The following SCAPER variants were observed in gnomAD, a reference collection of about 807,000 sequenced individuals.
The protein encoded by SCAPER is S phase cyclin A-associated protein in the endoplasmic reticulum.
SCAPER carries 98 observed loss-of-function variants against 182.2 expected under a neutral mutation model. That is an observed-to-expected ratio of 0.54 (90% confidence interval 0.46 to 0.64). The LOEUF is 0.64. Among genes scored for constraint, SCAPER ranks in the 30% least tolerant of loss-of-function variants. The probability of loss-of-function intolerance (pLI) is 0.00; values close to 1 mark genes in which losing one functional copy is unlikely to be tolerated. For synonymous variants in SCAPER, 605 were observed against 564.6 expected (o/e 1.07, Z -1.01); for missense variants, 1,432 against 1,690.0 (o/e 0.85, Z 2.68).
At chr15:76,657,348 G>C (rs1338792089) in intron 21 of SCAPER, among the ~76,000 whole-genome samples, 1 of 151,864 alleles carries the variant, frequency 6.6e-6, no homozygotes, top group Non-Finnish European at 1.5e-5. Flanking sequence ...GATTGAATGA[G>C]GAAGAAATTG....
intron 24 of SCAPER, among the ~76,000 whole-genome samples, chr15:76,478,218 ATTG>A (rs66701685): frequency 0.13 from 20,161 of 151,692 alleles, 1,800 homozygotes; most frequent in Admixed American, 0.21. Context: ...CTTTTTGTTA[ATTG>A]TTCTAGTTTG....
intron 23 of SCAPER, among the ~76,000 whole-genome samples, chr15:76,525,702 T>C (rs951034031): frequency 2.0e-5 from 3 of 152,244 alleles, no homozygotes; most frequent in Non-Finnish European, 4.4e-5. Flanking sequence ...TTCTTTTTTA[T>C]GGCTGTGTAG....
intron 23 of SCAPER, among the ~76,000 whole-genome samples, chr15:76,514,432 T>C (rs1301302791): frequency 6.6e-6 from 1 of 152,210 alleles, no homozygotes; most frequent in African/African-American, 2.4e-5. Flanking sequence ...TCCATCCAAT[T>C]ATTAACTAGA....
chr15:76,399,185 TGGA>T (rs1249751153), intron 27 of SCAPER, among the ~76,000 whole-genome samples: 8 of 152,204 alleles, frequency 5.3e-5, no homozygotes, highest in African/African-American at 1.9e-4. Context: ...TTACCCAGGC[TGGA>T]GTGCAGTGGT....
intron 21 of SCAPER, among the ~76,000 whole-genome samples, chr15:76,656,903 T>C: frequency 6.6e-6 from 1 of 152,196 alleles, no homozygotes; most frequent in Non-Finnish European, 1.5e-5. Context: ...AAAGCAGTGT[T>C]AAGCGGGAAG....
chr15:76,724,143 G>C (rs2150988772), intron 17 of SCAPER, among the ~76,000 whole-genome samples: 1 of 63,750 alleles, frequency 1.6e-5, no homozygotes, highest in Non-Finnish European at 3.2e-5. Flanking sequence ...CTCAGTCTTT[G>C]CTTGTTTGTA....
intron 25 of SCAPER, among the ~76,000 whole-genome samples, chr15:76,455,712 G>A (rs2142891608): frequency 1.3e-5 from 2 of 152,118 alleles, no homozygotes; most frequent in Middle Eastern, 6.8e-3. Context: ...TGCTGAACGT[G>A]CAGGTTACAT....
At chr15:76,810,248 T>C (rs578007913) in intron 5 of SCAPER, among the ~76,000 whole-genome samples, 2 of 152,128 alleles carry the variant, frequency 1.3e-5, no homozygotes, top group East Asian at 3.9e-4. Context: ...TATAATCCTA[T>C]TATAAAAGAT....
At chr15:76,476,746 C>T (rs747340269) in intron 24 of SCAPER, among the ~76,000 whole-genome samples, 5 of 151,794 alleles carry the variant, frequency 3.3e-5, no homozygotes, top group Non-Finnish European at 4.4e-5. Flanking sequence ...CACACCTAGC[C>T]GTCCAAGAAT....
intron 14 of SCAPER, among the ~76,000 whole-genome samples, chr15:76,762,686 T>C (rs2062864505): frequency 6.6e-6 from 1 of 152,182 alleles, no homozygotes; most frequent in Admixed American, 6.5e-5. Flanking sequence ...TGCGGCTCTA[T>C]TTCCCAGGCT....
At chr15:76,620,161 T>A (rs1280449432) in intron 22 of SCAPER, among the ~76,000 whole-genome samples, 1 of 152,186 alleles carries the variant, frequency 6.6e-6, no homozygotes, top group Non-Finnish European at 1.5e-5. Context: ...TTCTAAGTGG[T>A]TATTGCAAAG....
At chr15:76,415,704 T>A (rs554490918) in intron 26 of SCAPER, among the ~76,000 whole-genome samples, 100 of 152,110 alleles carry the variant, frequency 6.6e-4, no homozygotes, top group Non-Finnish European at 1.0e-3. Flanking sequence ...TACACACACA[T>A]ACACACATAT....
chr15:76,701,444 C>T (rs1184401968), intron 20 of SCAPER, among the ~76,000 whole-genome samples: 1 of 152,134 alleles, frequency 6.6e-6, no homozygotes, highest in Non-Finnish European at 1.5e-5. Flanking sequence ...ATGTGGTTAA[C>T]TGTTTTCCAA....
Position 76,778,844 on chromosome 15 carries a change from A to G in SCAPER, c.773-3727T>C, listed in dbSNP as rs141921685. ...ATACTTAAAAATACACTTAAACTATATGTTATCTAAAAGCAACTCATCTAA... is the reference window on the plus strand; with the variant it reads ...ATACTTAAAAATACACTTAAACTATGTGTTATCTAAAAGCAACTCATCTAA... On this transcript the variant is annotated intron_variant, in intron 8 of 31. Coordinates refer to ENST00000563290, the MANE Select transcript of SCAPER (RefSeq NM_020843.4). Among the ~76,000 whole-genome samples the G allele has an allele frequency of 6.6e-4, 100 of 152,220 alleles. No individual in the cohort carries two copies. The East Asian group carries it at 0.017, about 26-fold the overall frequency.
chr15:76,392,980 C>T (rs757869864), intron 27 of SCAPER, among the ~76,000 whole-genome samples: 5 of 152,188 alleles, frequency 3.3e-5, no homozygotes, highest in Admixed American at 1.3e-4. Flanking sequence ...TTTGGCCCTA[C>T]GAGCTGGGGC....
At chr15:76,673,589 G>A (rs1213767721) in intron 20 of SCAPER, among the ~76,000 whole-genome samples, 1 of 152,074 alleles carries the variant, frequency 6.6e-6, no homozygotes, top group Non-Finnish European at 1.5e-5. Context: ...AGGATGCAAT[G>A]CAGAGGAGGC....
At chr15:76,428,453 T>C (rs1437001241) in intron 26 of SCAPER, among the ~76,000 whole-genome samples, 1 of 152,138 alleles carries the variant, frequency 6.6e-6, no homozygotes, top group African/African-American at 2.4e-5. Flanking sequence ...TTTTACAACA[T>C]GGATGGACTT....
At chr15:76,824,059 C>T (rs1279555900) in intron 5 of SCAPER, among the ~76,000 whole-genome samples, 1 of 152,118 alleles carries the variant, frequency 6.6e-6, no homozygotes, top group Non-Finnish European at 1.5e-5. Context: ...CAGAGTGGTA[C>T]CACGCAGCTG....
At chr15:76,680,920 T>C (rs982460849) in intron 20 of SCAPER, among the ~76,000 whole-genome samples, 2 of 152,186 alleles carry the variant, frequency 1.3e-5, no homozygotes, top group Non-Finnish European at 2.9e-5. Flanking sequence ...CACATTTATA[T>C]AGCTAATAAT....
Sources: gnomAD v4.1 joint callset for allele counts (sites outside exome capture counted in the v4.1 genomes callset) on GRCh38, gnomAD v4.1.1 for gene constraint, MANE v1.5 for transcripts, NCBI Gene and HGNC (gene_info 2026-07-23, HGNC 2026-07-21) for gene names.